Variants in LRP1B observed in about 807,000 individuals in gnomAD.
LRP1B encodes low-density lipoprotein receptor-related protein 1B.
LRP1B carries 217 observed loss-of-function variants against 556.6 expected under a neutral mutation model. That is an observed-to-expected ratio of 0.39 (90% CI 0.35 to 0.44). The LOEUF (loss-of-function observed/expected upper bound fraction) is 0.44. LRP1B is among the 20% of genes least tolerant of loss of function. LRP1B has a pLI of 1.00. For synonymous variants in LRP1B, 2,047 were observed against 1,865.8 expected (o/e 1.10, Z -2.50); for missense variants, 5,053 against 5,620.8 (o/e 0.90, Z 3.23).
At chr2:140,915,687 A>C (rs913365241) in intron 21 of LRP1B, among the ~76,000 whole-genome samples, 3 of 131,452 alleles carry the variant, frequency 2.3e-5, no homozygotes, top group Admixed American at 7.8e-5. Context: ...TAAATAAATA[A>C]AATAAATCTA....
intron 1 of LRP1B, among the ~76,000 whole-genome samples, chr2:141,811,003 G>GT (rs1444436068): frequency 1.3e-5 from 2 of 150,428 alleles, no homozygotes; most frequent in African/African-American, 2.4e-5. Context: ...TTCCATAAAG[G>GT]TTTTTTTTCT....
chr2:140,515,243 G>A (rs185599420), intron 50 of LRP1B, among the ~76,000 whole-genome samples: 10 of 152,118 alleles, frequency 6.6e-5, no homozygotes. Flanking sequence ...GACTAAGGAG[G>A]TTATAGCTTG....
At chr2:141,331,924 A>G (rs904658781) in intron 3 of LRP1B, among the ~76,000 whole-genome samples, 1 of 152,086 alleles carries the variant, frequency 6.6e-6, no homozygotes, top group Non-Finnish European at 1.5e-5. Context: ...GAATTATTTC[A>G]TATTGTGATT....
chr2:141,877,247 G>C lies in LRP1B; in HGVS notation c.83-66846C>G, dbSNP rs186554561. Among the ~76,000 whole-genome samples, 7 of 151,926 alleles carry C rather than the reference G, an allele frequency of 4.6e-5. No individual in the cohort carries two copies. In the East Asian group the frequency reaches 1.2e-3, roughly 25 times the overall value. ...CTGAACTTGATGATAAACAGCATTT[G>C]TTTTCATTACCTGGGGTAGCAAAGA... On this transcript the variant is annotated intron_variant, in intron 1 of 90. Coordinates refer to ENST00000389484, the MANE Select transcript of LRP1B (RefSeq NM_018557.3).
At chr2:140,907,722 T>TA (rs1694298063) in intron 22 of LRP1B, among the ~76,000 whole-genome samples, 155 bp downstream of exon 22, 1 of 152,148 alleles carries the variant, frequency 6.6e-6, no homozygotes. Context: ...ACTGTAGCCT[T>TA]AGAGTGTCTG....
chr2:140,764,809 T>C (rs1365833332), intron 35 of LRP1B, among the ~76,000 whole-genome samples: 1 of 152,152 alleles, frequency 6.6e-6, no homozygotes, highest in African/African-American at 2.4e-5. Context: ...GCATCTATCG[T>C]TAACATTAGG....
intron 3 of LRP1B, among the ~76,000 whole-genome samples, chr2:141,392,813 T>C (rs749931949): frequency 6.6e-6 from 1 of 152,154 alleles, no homozygotes; most frequent in Admixed American, 6.6e-5. Context: ...GAGTCATGTA[T>C]CCTATATGAA....
chr2:142,044,893 T>C (rs902407986), intron 1 of LRP1B, among the ~76,000 whole-genome samples: 9 of 151,772 alleles, frequency 5.9e-5, no homozygotes, highest in African/African-American at 2.2e-4. Context: ...CTAATATCCA[T>C]ACCTTGCTAA....
intron 2 of LRP1B, among the ~76,000 whole-genome samples, chr2:141,521,209 C>T (rs995369992): frequency 1.3e-5 from 2 of 152,006 alleles, no homozygotes; most frequent in African/African-American, 2.4e-5. Context: ...TTTATAAAAC[C>T]CTTTCACATT....
intron 31 of LRP1B, among the ~76,000 whole-genome samples, 163 bp from the exon 32 acceptor site, chr2:140,813,969 G>C (rs1691018284): frequency 6.6e-6 from 1 of 151,878 alleles, no homozygotes; most frequent in Non-Finnish European, 1.5e-5. Context: ...GGTGTTTTGG[G>C]TTTTTTATTT....
chr2:140,783,778 C>T (rs1266000573), intron 32 of LRP1B, among the ~76,000 whole-genome samples: 2 of 152,064 alleles, frequency 1.3e-5, no homozygotes, highest in Non-Finnish European at 2.9e-5. Context: ...AGTACACTGC[C>T]AAGGGAGTGT....
rs536351716 is a variant in LRP1B, at chr2:141,619,515, A to G, written c.206-138982T>C. ...AAGCTAAAGGTGATTCTGCAATTCA[A>G]TTAATTTGCATTGTAATCCGCCTGT... On this transcript the variant is annotated intron_variant, in intron 2 of 90. Transcript: ENST00000389484. Among the ~76,000 whole-genome samples, 4 of 152,324 alleles carry G rather than the reference A, an allele frequency of 2.6e-5. No homozygotes were observed. In the East Asian group the frequency reaches 7.7e-4, roughly 29 times the overall value.
intron 20 of LRP1B, among the ~76,000 whole-genome samples, chr2:140,947,455 GA>G (rs1261539484): frequency 2.0e-5 from 3 of 152,160 alleles, no homozygotes; most frequent in African/African-American, 7.2e-5. Flanking sequence ...AGCCAGTCTT[GA>G]AACTCAAGCC....
intron 7 of LRP1B, among the ~76,000 whole-genome samples, chr2:141,171,205 G>A (rs79125004): frequency 0.021 from 3,162 of 152,094 alleles, 42 homozygotes; most frequent in South Asian, 0.065. Flanking sequence ...AAAGTCCATA[G>A]ATTACATTGC....
chr2:140,492,404 G>A (rs975499772), intron 57 of LRP1B, among the ~76,000 whole-genome samples: 8 of 152,058 alleles, frequency 5.3e-5, no homozygotes, highest in East Asian at 1.9e-4. Context: ...CAGTGCTTTC[G>A]CATATTTCTG....
At chr2:142,127,353 C>G (rs1707691572) in intron 1 of LRP1B, among the ~76,000 whole-genome samples, 1 of 146,848 alleles carries the variant, frequency 6.8e-6, no homozygotes, top group Non-Finnish European at 1.5e-5. Flanking sequence ...GATTCAGATT[C>G]TGATGTATGG....
chr2:142,107,794 ATTTTTTTTT>A (rs67962280), intron 1 of LRP1B, among the ~76,000 whole-genome samples: 4 of 110,590 alleles, frequency 3.6e-5, no homozygotes, highest in African/African-American at 1.0e-4. Flanking sequence ...CGCCTAGCTA[ATTTTTTTTT>A]TTTTTTTTTT....
At chr2:141,609,381 C>T (rs1261584575) in intron 2 of LRP1B, among the ~76,000 whole-genome samples, 1 of 151,666 alleles carries the variant, frequency 6.6e-6, no homozygotes, top group Non-Finnish European at 1.5e-5. Context: ...TGTACTGTTG[C>T]TGTCTACTAA....
At chr2:141,666,619 T>C (rs909647150) in intron 2 of LRP1B, among the ~76,000 whole-genome samples, 6 of 152,220 alleles carry the variant, frequency 3.9e-5, no homozygotes, top group African/African-American at 1.4e-4. Flanking sequence ...GAGAAAAATC[T>C]ATCCCTGGTC....
Sources: allele counts gnomAD v4.1 joint callset (sites outside exome capture counted in the v4.1 genomes callset), GRCh38; gene constraint gnomAD v4.1.1; transcripts MANE v1.5; gene names NCBI Gene and HGNC (gene_info 2026-07-23, HGNC 2026-07-21).